CNTNAP2: variants seen among roughly 807,000 people sequenced by gnomAD.
The protein encoded by CNTNAP2 is contactin-associated protein-like 2.
Under a neutral mutation model 155.2 loss-of-function variants are expected in CNTNAP2, and 98 were observed. The ratio of observed to expected loss-of-function variants is 0.63; its 90% confidence interval spans 0.54 to 0.75. The LOEUF is 0.75. CNTNAP2 is among the 30% of genes least tolerant of loss of function. CNTNAP2 has a pLI of 0.00. For missense variants in CNTNAP2, 1,727 were observed against 1,688.1 expected (o/e 1.02, Z -0.40); for synonymous variants, 651 against 631.2 (o/e 1.03, Z -0.47).
At chr7:148,046,177 C>T (rs1489941715) in intron 15 of CNTNAP2, among the ~76,000 whole-genome samples, 1 of 152,102 alleles carries the variant, frequency 6.6e-6, no homozygotes, top group African/African-American at 2.4e-5. Context: ...ACCTCCTGGG[C>T]TCAAGTAGTC....
chr7:147,839,594 G>T (rs1798692882), intron 13 of CNTNAP2, among the ~76,000 whole-genome samples: 2 of 152,002 alleles, frequency 1.3e-5, no homozygotes, highest in African/African-American at 4.8e-5. Context: ...TTTGTTGTCA[G>T]GGGCTGTCCT....
chr7:146,972,084 CA>C (rs1409622396), intron 3 of CNTNAP2, among the ~76,000 whole-genome samples: 1 of 152,030 alleles, frequency 6.6e-6, no homozygotes, highest in African/African-American at 2.4e-5. Context: ...TGATGACTGA[CA>C]AGATAACCAG....
chr7:146,819,015 A>G (rs1803226707), intron 2 of CNTNAP2, among the ~76,000 whole-genome samples: 1 of 152,132 alleles, frequency 6.6e-6, no homozygotes, highest in African/African-American at 2.4e-5. Flanking sequence ...CATATTATTT[A>G]TAATTTTACC....
intron 1 of CNTNAP2, among the ~76,000 whole-genome samples, chr7:146,467,193 T>C (rs2129125883): frequency 6.6e-6 from 1 of 152,254 alleles, no homozygotes. Context: ...TTTTCAAGTA[T>C]ATTACCACTT....
rs144138376 is a variant in CNTNAP2 at position 148,385,264 on chromosome 7, G to A, written c.3715+1376G>A. Among the ~76,000 whole-genome samples the A allele has an allele frequency of 2.5e-3, 386 of 152,290 alleles. 1 individual carries two copies. The highest frequency in any genetic ancestry group is 6.8e-3 in the Middle Eastern group (2 of 294). On this transcript the variant is annotated intron_variant, in intron 22 of 23. Coordinates refer to ENST00000361727, the MANE Select transcript of CNTNAP2 (RefSeq NM_014141.6). ...CACACATGGATTCCTAGAACTTGAC[G>A]CGGGGCGCTGTGAGCTAAGGGCACG...
chr7:148,135,678 G>C (rs1804922580), intron 16 of CNTNAP2, among the ~76,000 whole-genome samples: 1 of 151,456 alleles, frequency 6.6e-6, no homozygotes, highest in East Asian at 2.0e-4. Context: ...GCAAAACCCT[G>C]TCTCCACTAA....
At chr7:147,630,084 C>T (rs1486799335) in intron 12 of CNTNAP2, among the ~76,000 whole-genome samples, 2 of 146,578 alleles carry the variant, frequency 1.4e-5, no homozygotes, top group Non-Finnish European at 3.0e-5. Flanking sequence ...CAAGAATAAC[C>T]AAGAAAAAAA....
In CNTNAP2 at chr7:147,503,354, C is replaced by T. The variant is rs370411361; in HGVS notation, c.1777+17313C>T. ...CACCAGCCATTGGATTGAGTGTCCA[C>T]ATTGATCCAGTACAAATTAATCTTG... is the stretch of plus-strand genomic sequence containing the variant. On this transcript the variant is annotated intron_variant, in intron 11 of 23. Transcript: ENST00000361727. Among the ~76,000 whole-genome samples the T allele has an allele frequency of 2.8e-4, 42 of 152,284 alleles. 2 individuals are homozygous for T. Among genetic ancestry groups the T allele is most frequent in the African/African-American group, 9.9e-4 (41 of 41,548 alleles).
At chr7:146,639,951 G>A (rs557503229) in intron 1 of CNTNAP2, among the ~76,000 whole-genome samples, 1 of 152,334 alleles carries the variant, frequency 6.6e-6, no homozygotes, top group South Asian at 2.1e-4. Context: ...CCAAGACTTA[G>A]TAGCTTTTGA....
At chr7:146,568,662 T>A (rs957773841) in intron 1 of CNTNAP2, among the ~76,000 whole-genome samples, 2 of 152,176 alleles carry the variant, frequency 1.3e-5, no homozygotes, top group Non-Finnish European at 2.9e-5. Flanking sequence ...TCTGTACCTC[T>A]TCCTCAGGAG....
At chr7:146,390,615 A>T (rs959391741) in intron 1 of CNTNAP2, among the ~76,000 whole-genome samples, 4 of 149,776 alleles carry the variant, frequency 2.7e-5, no homozygotes, top group Admixed American at 6.7e-5. Context: ...AAAAATATAT[A>T]TTTTTTTCAT....
At chr7:147,957,195 C>T (rs1801030849) in intron 14 of CNTNAP2, among the ~76,000 whole-genome samples, 1 of 152,136 alleles carries the variant, frequency 6.6e-6, no homozygotes, top group African/African-American at 2.4e-5. Context: ...AATGGGTTAG[C>T]ATGGGTTAGC....
chr7:146,637,690 A>G (rs890205977), intron 1 of CNTNAP2, among the ~76,000 whole-genome samples: 3 of 152,170 alleles, frequency 2.0e-5, no homozygotes, highest in Non-Finnish European at 4.4e-5. Flanking sequence ...CTGGTGTGTA[A>G]TGTGCATGTA....
rs955900674 is a variant in CNTNAP2 at position 146,320,002 on chromosome 7, C to T, written c.97+203029C>T. ...CAAAATAATGTAACTGTCGCCCCCCCCACCCCAGTTTTAGTACAAAAATAA... is the reference window on the plus strand; with the variant it reads ...CAAAATAATGTAACTGTCGCCCCCCTCACCCCAGTTTTAGTACAAAAATAA... On this transcript the variant is annotated intron_variant, in intron 1 of 23. Transcript: ENST00000361727. Among the ~76,000 whole-genome samples, 10 of 150,998 alleles carry T rather than the reference C, an allele frequency of 6.6e-5. No homozygotes were observed. The East Asian group carries it at 1.9e-3, about 29-fold the overall frequency.
intron 13 of CNTNAP2, among the ~76,000 whole-genome samples, chr7:147,824,509 A>AGGT (rs1404220112): frequency 6.6e-6 from 1 of 152,148 alleles, no homozygotes; most frequent in East Asian, 1.9e-4. Flanking sequence ...GGCCATGTGG[A>AGGT]AATGGTACCT....
chr7:148,049,241 A>C (rs1490965391), intron 15 of CNTNAP2, among the ~76,000 whole-genome samples: 1 of 152,178 alleles, frequency 6.6e-6, no homozygotes, highest in Non-Finnish European at 1.5e-5. Flanking sequence ...TAAGTGGCTA[A>C]GTCAGTAGTG....
intron 7 of CNTNAP2, among the ~76,000 whole-genome samples, chr7:147,131,058 A>ATATATATGTGTATATATATGTGTG (rs1563087464): frequency 1.4e-5 from 2 of 147,106 alleles, no homozygotes; most frequent in Middle Eastern, 3.3e-3. Flanking sequence ...ATATATGTGT[A>ATATATATGTGTATATATATGTGTG]TATATATGTG....
chr7:146,532,059 A>G (rs1222056169), intron 1 of CNTNAP2, among the ~76,000 whole-genome samples: 1 of 152,134 alleles, frequency 6.6e-6, no homozygotes, highest in Non-Finnish European at 1.5e-5. Flanking sequence ...AAAGAGCTGG[A>G]ACTAGGGAAA....
intron 18 of CNTNAP2, among the ~76,000 whole-genome samples, chr7:148,211,145 T>C (rs1334443972): frequency 4.6e-5 from 7 of 152,210 alleles, no homozygotes; most frequent in African/African-American, 1.7e-4. Flanking sequence ...AGAGTGATCA[T>C]TCTGGGCAAT....
Sources: allele counts gnomAD v4.1 joint callset (sites outside exome capture counted in the v4.1 genomes callset), GRCh38; gene constraint gnomAD v4.1.1; transcripts MANE v1.5; gene names NCBI Gene and HGNC (gene_info 2026-07-23, HGNC 2026-07-21).